Variants in ANO10 observed in about 807,000 individuals in gnomAD.
ANO10 encodes anoctamin 10.
In ANO10, 77 loss-of-function variants were observed where a neutral mutation model predicts 74.7. That is an observed-to-expected ratio of 1.03 (90% CI 0.86 to 1.25). The LOEUF (loss-of-function observed/expected upper bound fraction) is 1.25, where lower values mean the gene tolerates loss of function less well. ANO10 is among the 50% of genes most tolerant of loss of function. The pLI, the probability that ANO10 is intolerant of heterozygous loss-of-function variation, is 0.00. For synonymous variants in ANO10, 279 were observed against 284.9 expected (o/e 0.98, Z 0.21); for missense variants, 721 against 778.1 (o/e 0.93, Z 0.87).
chr3:43,480,384 A>G (rs890977953), intron 11 of ANO10, among the ~76,000 whole-genome samples: 1 of 152,220 alleles, frequency 6.6e-6, no homozygotes, highest in Non-Finnish European at 1.5e-5. Flanking sequence ...CCACAAAGGC[A>G]TATCATTGTG....
At chr3:43,445,236 G>A (rs1338060507) in intron 11 of ANO10, among the ~76,000 whole-genome samples, 3 of 151,628 alleles carry the variant, frequency 2.0e-5, no homozygotes, top group East Asian at 1.9e-4. Context: ...GTCTAGGACC[G>A]CAGCAGGAAA....
chr3:43,569,715 C>A (rs1231957815), intron 7 of ANO10, among the ~76,000 whole-genome samples: 1 of 118,536 alleles, frequency 8.4e-6, no homozygotes, highest in Non-Finnish European at 1.7e-5. Context: ...CTATGACAAA[C>A]CCACAGCCAA....
chr3:43,463,788 G>A (rs911053426), intron 11 of ANO10, among the ~76,000 whole-genome samples: 1 of 152,206 alleles, frequency 6.6e-6, no homozygotes, highest in Non-Finnish European at 1.5e-5. Flanking sequence ...GGGAAAGCAT[G>A]ATTGGTTTTG....
chr3:43,369,370 TG>T (rs2091524039), intron 12 of ANO10, among the ~76,000 whole-genome samples: 1 of 152,376 alleles, frequency 6.6e-6, no homozygotes, highest in African/African-American at 2.4e-5. Context: ...GCACTACTGG[TG>T]GCAAAGGTAG....
At chr3:43,391,742 G>A (rs1320309600) in intron 12 of ANO10, among the ~76,000 whole-genome samples, 1 of 152,214 alleles carries the variant, frequency 6.6e-6, no homozygotes, top group Non-Finnish European at 1.5e-5. Context: ...TCAGCCAGCA[G>A]CCAGGGGAGT....
chr3:43,556,667 T>A (rs1034657400), intron 9 of ANO10, among the ~76,000 whole-genome samples: 11 of 152,112 alleles, frequency 7.2e-5, no homozygotes, highest in East Asian at 1.9e-4. Flanking sequence ...CAAGACACAA[T>A]CTACCCTATT....
intron 11 of ANO10, among the ~76,000 whole-genome samples, chr3:43,447,111 G>A (rs1036254185): frequency 6.6e-6 from 1 of 152,114 alleles, no homozygotes; most frequent in Non-Finnish European, 1.5e-5. Context: ...GACCAGTGAT[G>A]GACATTTACA....
intron 1 of ANO10, among the ~76,000 whole-genome samples, chr3:43,627,679 G>A (rs575839452): frequency 1.3e-5 from 2 of 152,284 alleles, no homozygotes; most frequent in South Asian, 2.1e-4. Flanking sequence ...TTAGGACTCC[G>A]ACCTCTAATA....
At chr3:43,667,803 T>C (rs1038968148) in intron 1 of ANO10, among the ~76,000 whole-genome samples, 1 of 152,222 alleles carries the variant, frequency 6.6e-6, no homozygotes, top group African/African-American at 2.4e-5. Flanking sequence ...TGGTATCCCA[T>C]GGTGTATATA....
intron 12 of ANO10, among the ~76,000 whole-genome samples, chr3:43,370,825 T>C (rs1483005246): frequency 6.6e-6 from 1 of 152,222 alleles, no homozygotes; most frequent in Non-Finnish European, 1.5e-5. Flanking sequence ...ATTAAGTGTG[T>C]TGGCCAAATG....
chr3:43,410,056 C>T (rs1239975062), intron 12 of ANO10, among the ~76,000 whole-genome samples: 2 of 152,022 alleles, frequency 1.3e-5, no homozygotes, highest in Non-Finnish European at 2.9e-5. Flanking sequence ...GGATATCATG[C>T]CAATCGCTTT....
chr3:43,543,811 G>A (rs2079061320), intron 11 of ANO10, among the ~76,000 whole-genome samples: 1 of 152,160 alleles, frequency 6.6e-6, no homozygotes, highest in African/African-American at 2.4e-5. Flanking sequence ...CATGGTACAG[G>A]CAGGCTTGGT....
At chr3:43,415,839 G>A (rs1441228594) in intron 12 of ANO10, among the ~76,000 whole-genome samples, 1 of 152,124 alleles carries the variant, frequency 6.6e-6, no homozygotes, top group Non-Finnish European at 1.5e-5. Flanking sequence ...ACCATGCCTA[G>A]CCAAAAAATG....
rs188467466 is a variant in ANO10, at chr3:43,545,366, T to G, written c.1797+4354A>C. 1.1e-3 allele frequency among the ~76,000 whole-genome samples: 162 copies of G among 152,128 alleles called. 4 individuals carry two copies. In the South Asian group the frequency reaches 0.016, roughly 15 times the overall value. ...GTTAATTGACCCAATGATGGTTTTT[T>G]TTTGTTTGTTTGTTTGTTTTTTTTT... On this transcript the variant is annotated intron_variant, in intron 11 of 12. Transcript: ENST00000292246.
chr3:43,561,790 C>T (rs2080049181), intron 8 of ANO10, among the ~76,000 whole-genome samples: 1 of 152,144 alleles, frequency 6.6e-6, no homozygotes. Flanking sequence ...TGTATTAAAA[C>T]ATCACCAAGT....
intron 7 of ANO10, among the ~76,000 whole-genome samples, chr3:43,572,304 C>A (rs79940614): frequency 0.017 from 2,589 of 152,308 alleles, 68 homozygotes; most frequent in African/African-American, 0.058. Flanking sequence ...GACTCCCCTG[C>A]TCCACAGAGA....
chr3:43,663,620 T>G (rs1428358389), intron 1 of ANO10, among the ~76,000 whole-genome samples: 2 of 152,164 alleles, frequency 1.3e-5, no homozygotes, highest in African/African-American at 4.8e-5. Flanking sequence ...GCAGATGACA[T>G]AATGGTATGC....
chr3:43,545,150 G>T (rs1431881163), intron 11 of ANO10, among the ~76,000 whole-genome samples: 9 of 151,780 alleles, frequency 5.9e-5, no homozygotes, highest in Admixed American at 5.9e-4. Flanking sequence ...CTCTTATAGG[G>T]GCCATGAATA....
chr3:43,368,867 A>G (rs567872163), intron 12 of ANO10, among the ~76,000 whole-genome samples: 9 of 152,306 alleles, frequency 5.9e-5, no homozygotes, highest in African/African-American at 2.2e-4. Context: ...AACTAAAACA[A>G]TAATGAAGAC....
Sources: allele counts gnomAD v4.1 joint callset (sites outside exome capture counted in the v4.1 genomes callset), GRCh38; gene constraint gnomAD v4.1.1; transcripts MANE v1.5; gene names NCBI Gene and HGNC (gene_info 2026-07-23, HGNC 2026-07-21).